The following SSH1 variants were observed in gnomAD, a reference collection of about 807,000 sequenced individuals.
The protein encoded by SSH1 is slingshot protein phosphatase 1, also known as protein phosphatase Slingshot homolog 1.
A neutral mutation model predicts 79.7 loss-of-function variants in SSH1; 43 were observed. That is an observed-to-expected ratio of 0.54 (90% CI 0.42 to 0.70). The LOEUF is 0.70. Ranked by LOEUF, SSH1 falls within the 30% of genes least tolerant of loss-of-function variation. SSH1 has a pLI of 0.00. For synonymous variants in SSH1, 599 were observed against 538.3 expected (o/e 1.11, Z -1.56); for missense variants, 1,206 against 1,358.8 (o/e 0.89, Z 1.77).
chr12:108,837,138 A>T, intron 2 of SSH1: 1 of 335,836 alleles, frequency 3.0e-6, no homozygotes, highest in Non-Finnish European at 6.2e-6. Context: ...GCGCTAAGGC[A>T]CAAGAATCGC....
intron 6 of SSH1, 142 bp downstream of exon 6, chr12:108,811,118 G>T: frequency 1.3e-6 from 1 of 795,906 alleles, no homozygotes; most frequent in Non-Finnish European, 2.2e-6. Flanking sequence ...TCTCACTCGA[G>T]GGCAATATGA....
chr12:108,793,882 C>A (rs544745333), intron 13 of SSH1, among the ~76,000 whole-genome samples: 44 of 152,156 alleles, frequency 2.9e-4, no homozygotes, highest in Non-Finnish European at 4.9e-4. Flanking sequence ...TGTGCACATC[C>A]CAGCCAGCAG....
chr12:108,837,272 CA>C (rs2038659384), intron 2 of SSH1, among the ~76,000 whole-genome samples: 1 of 151,994 alleles, frequency 6.6e-6, no homozygotes, highest in Non-Finnish European at 1.5e-5. Context: ...CCACAAGAGT[CA>C]AAGAAAGACT....
intron 2 of SSH1, among the ~76,000 whole-genome samples, chr12:108,832,539 T>C (rs1782119563): frequency 6.6e-6 from 1 of 152,174 alleles, no homozygotes; most frequent in East Asian, 1.9e-4. Flanking sequence ...AGTGAGGCTC[T>C]GGATGGATTC....
At chr12:108,803,766 G>A (rs374488408) in intron 10 of SSH1, among the ~76,000 whole-genome samples, 1 of 152,126 alleles carries the variant, frequency 6.6e-6, no homozygotes, top group African/African-American at 2.4e-5. Flanking sequence ...GACTTCCAGG[G>A]AGATCAGTGC....
At chr12:108,847,735 G>A (rs1441604531) in intron 2 of SSH1, among the ~76,000 whole-genome samples, 1 of 152,170 alleles carries the variant, frequency 6.6e-6, no homozygotes, top group Non-Finnish European at 1.5e-5. Flanking sequence ...TGGGATTAGA[G>A]ATGTGAGCCA....
Position 108,800,943 on chromosome 12 carries a change from A to G in SSH1, c.1002-17T>C, listed in dbSNP as rs140761144. On this transcript the variant is annotated splice_polypyrimidine_tract_variant and intron_variant, in intron 11 of 14. Coordinates refer to ENST00000326495, the MANE Select transcript of SSH1 (RefSeq NM_018984.4). ...TAATCAACCCTGCAATGAGAAAAAAATAAGAAACAAATTTGGACAATCTGA... is the reference window on the plus strand; with the variant it reads ...TAATCAACCCTGCAATGAGAAAAAAGTAAGAAACAAATTTGGACAATCTGA... The G allele has an allele frequency of 8.4e-3, 13,506 of 1,610,880 alleles. 76 individuals carry two copies. Among genetic ancestry groups the G allele is most frequent in the South Asian group, 9.8e-3 (892 of 90,720 alleles).
chr12:108,780,256 A>C lies in SSH1; in HGVS notation c.*7732T>G, dbSNP rs1451021992. ...GAGGGGGTTCCCCAGGCATAAACAC[A>C]AACAAGCATGCGGATCCTCCCCAGC... On this transcript the variant is annotated 3_prime_UTR_variant, in exon 15 of 15. Coordinates refer to ENST00000326495, the MANE Select transcript of SSH1 (RefSeq NM_018984.4). 1 of 152,162 alleles carries C rather than the reference A, an allele frequency of 6.6e-6. No individual in the cohort carries two copies. Among genetic ancestry groups the C allele is most frequent in the Non-Finnish European group, 1.5e-5 (1 of 68,046 alleles). The allele number at this position is 152,162 out of a possible 1,614,324, so 9.4% of individuals were successfully genotyped here.
At chr12:108,842,150 G>A (rs1361241499) in intron 2 of SSH1, among the ~76,000 whole-genome samples, 1 of 151,984 alleles carries the variant, frequency 6.6e-6, no homozygotes, top group Non-Finnish European at 1.5e-5. Context: ...AAGAGAGAGA[G>A]AGGGAAAAAA....
In SSH1 at chr12:108,807,638, C is replaced by T. The variant is rs148157722; in HGVS notation, c.726G>A (p.Val242=). ...ACCAGAGGCACCTCACTTACTTGTC[C>T]ACAAATAGCGCGGGGGAGTCGGGCC... ...STRPDSPALF[V]DKPTEGERTE... Residue 242 remains valine, a synonymous_variant, in exon 8 of 15, where the codon GTG becomes GTA. Coordinates refer to ENST00000326495, the MANE Select transcript of SSH1 (RefSeq NM_018984.4). The surrounding 1 kb of genome is among the most constrained non-coding windows in gnomAD (Gnocchi z 5.2). 2.1e-3 allele frequency: 3,417 copies of T among 1,612,492 alleles called. 28 individuals are homozygous for T. The highest frequency in any genetic ancestry group is 1.7e-3 in the Non-Finnish European group (1,997 of 1,179,106).
At chr12:108,835,627 C>T (rs1042113200) in intron 2 of SSH1, among the ~76,000 whole-genome samples, 6 of 142,776 alleles carry the variant, frequency 4.2e-5, no homozygotes, top group African/African-American at 1.7e-4. Flanking sequence ...TCCACTTCTC[C>T]TCCCAACAAT....
At chr12:108,826,094 T>C (rs61935480) in intron 2 of SSH1, 2 of 447,346 alleles carry the variant, frequency 4.5e-6, no homozygotes, top group Non-Finnish European at 8.9e-6. Flanking sequence ...AAAAAAAAAT[T>C]CATACTGACC....
chr12:108,797,140 T>C (rs547560621), intron 13 of SSH1, among the ~76,000 whole-genome samples: 1 of 152,310 alleles, frequency 6.6e-6, no homozygotes, highest in South Asian at 2.1e-4. Context: ...GTTTGTTTTC[T>C]TTTTCAGACA....
Position 108,818,239 on chromosome 12 carries a change from T to C in SSH1, c.279+10A>G. ...AAATTTTTTAACTTGACATTCTCAC[T>C]GCTTCTTACCAGCTTGATTCTGTCT... On this transcript the variant is annotated intron_variant, in intron 4 of 14. Transcript: ENST00000326495. 6.2e-7 allele frequency: 1 copy of C among 1,613,436 alleles called. No homozygotes were observed. Among genetic ancestry groups the C allele is most frequent in the African/African-American group, 1.3e-5 (1 of 75,040 alleles).
intron 5 of SSH1, among the ~76,000 whole-genome samples, chr12:108,816,704 T>C (rs1269066440): frequency 6.6e-6 from 1 of 152,220 alleles, no homozygotes; most frequent in African/African-American, 2.4e-5. Context: ...TTTGGCCTTC[T>C]GGGTTCGGCG....
At position 108,788,016 on chromosome 12, in the gene SSH1, T is replaced by C; in HGVS notation, c.3122A>G (p.Lys1041Arg). 1 of 1,614,078 alleles carries C rather than the reference T, an allele frequency of 6.2e-7. No individual in the cohort carries two copies. Among genetic ancestry groups the C allele is most frequent in the Non-Finnish European group, 8.5e-7 (1 of 1,179,990 alleles). ...GCTTTTGCTCATCCACGAAGGGCTC[T>C]TTAAGTTTTCTGGGGCGGGTTTCCC... ...PSGKPAPENL[K>R]SPSWMSKS Residue 1041 changes from lysine to arginine, a missense_variant, in exon 15 of 15, where the codon AAG (lysine) becomes AGG (arginine). By Grantham distance (26) the Lys-to-Arg change is conservative (BLOSUM62 2). Transcript: ENST00000326495.
In SSH1 at chr12:108,800,759, C is replaced by T. The variant is rs1351147203; in HGVS notation, c.1148+21G>A. 8 of 1,610,206 alleles carry T rather than the reference C, an allele frequency of 5.0e-6. No homozygotes were observed. In the African/African-American group the frequency reaches 9.4e-5, roughly 19 times the overall value. On this transcript the variant is annotated intron_variant, in intron 12 of 14. Coordinates refer to ENST00000326495, the MANE Select transcript of SSH1 (RefSeq NM_018984.4). ...TCAGCAGGTTGGTTTCATCCTCAGCCCCGCCTCTCTGTCCACTTACTTCGC... is the reference window on the plus strand; with the variant it reads ...TCAGCAGGTTGGTTTCATCCTCAGCTCCGCCTCTCTGTCCACTTACTTCGC...
chr12:108,846,982 G>C (rs935660896), intron 2 of SSH1, among the ~76,000 whole-genome samples: 1 of 151,802 alleles, frequency 6.6e-6, no homozygotes, highest in Non-Finnish European at 1.5e-5. Flanking sequence ...CTGCAGTCTC[G>C]ACCTCCTGGG....
At chr12:108,827,272 C>A (rs1347352042) in intron 2 of SSH1, 1 of 1,550,254 alleles carries the variant, frequency 6.5e-7, no homozygotes, top group Admixed American at 2.0e-5. Flanking sequence ...CTAATTTGAG[C>A]TGGAAACCTC....
Sources: allele counts gnomAD v4.1 joint callset (sites outside exome capture counted in the v4.1 genomes callset), GRCh38; gene constraint gnomAD v4.1.1; non-coding constraint Gnocchi (gnomAD v3.1); transcripts MANE v1.5; gene names NCBI Gene and HGNC (gene_info 2026-07-23, HGNC 2026-07-21).